POLQ: variants seen among roughly 807,000 people sequenced by gnomAD.
POLQ encodes epididymis secretory sperm binding protein.
Under a neutral mutation model 259.2 loss-of-function variants are expected in POLQ, and 233 were observed. The observed-to-expected ratio is 0.90, with a 90% CI of 0.81 to 1.00. The LOEUF is 1.00. Ranked by LOEUF, POLQ falls within the 50% of genes least tolerant of loss-of-function variation. POLQ has a pLI of 0.00. For missense variants in POLQ, 2,871 were observed against 3,051.6 expected (o/e 0.94, Z 1.39); for synonymous variants, 1,025 against 1,048.8 (o/e 0.98, Z 0.44).
chr3:121,457,554 C>A (rs1361947064), intron 25 of POLQ, among the ~76,000 whole-genome samples: 1 of 152,088 alleles, frequency 6.6e-6, no homozygotes, highest in Non-Finnish European at 1.5e-5. Context: ...AACAAACAAC[C>A]CCATCAAAAA....
At chr3:121,484,918 A>C (rs1237677968) in intron 17 of POLQ, 123 bp downstream of exon 17, 1 of 812,456 alleles carries the variant, frequency 1.2e-6, no homozygotes, top group African/African-American at 1.8e-5. Flanking sequence ...AAACAAAAAA[A>C]AATTTAACTC....
In POLQ at chr3:121,496,839, T is replaced by C. The variant is rs569194595; in HGVS notation, c.2247A>G (p.Gln749=). Reference sequence around the variant, plus strand: ...AAACAGCAGCTGACTGTTGCAAAGATTGAATCTGCCCACGATTGCATCCAT... The same window carrying C: ...AAACAGCAGCTGACTGTTGCAAAGACTGAATCTGCCCACGATTGCATCCAT... ...QKYGCNRGQI[Q]SLQQSAAVYA... is the part of the protein sequence containing the mutation. The change falls in exon 14 of 30, where the codon CAA becomes CAG. Residue 749 remains glutamine (Q), a synonymous_variant. Coordinates refer to ENST00000264233, the MANE Select transcript of POLQ (RefSeq NM_199420.4). 4.6e-5 allele frequency: 75 copies of C among 1,613,772 alleles called. 1 individual carries two copies. The South Asian group carries it at 5.9e-4, about 13-fold the overall frequency.
chr3:121,479,403 G>A (rs2047953721), intron 19 of POLQ, among the ~76,000 whole-genome samples: 1 of 147,432 alleles, frequency 6.8e-6, no homozygotes, highest in South Asian at 2.2e-4. Context: ...CATCAAAACT[G>A]TAGAATACAA....
chr3:121,502,293 T>A (rs2048176876), intron 12 of POLQ, among the ~76,000 whole-genome samples: 1 of 152,142 alleles, frequency 6.6e-6, no homozygotes, highest in African/African-American at 2.4e-5. Context: ...AACCTCTACC[T>A]CCCAGGTTCA....
chr3:121,472,692 T>C (rs914550954), intron 21 of POLQ, among the ~76,000 whole-genome samples: 1 of 152,210 alleles, frequency 6.6e-6, no homozygotes, highest in Non-Finnish European at 1.5e-5. Flanking sequence ...AAAATTGTGC[T>C]ATAGCCTGGA....
rs752198174 is a variant in POLQ, at chr3:121,436,226, A to G, written c.7439T>C (p.Ile2480Thr). The G allele has an allele frequency of 3.0e-5, 48 of 1,613,736 alleles. No individual in the cohort carries two copies. Among genetic ancestry groups the G allele is most frequent in the Non-Finnish European group, 4.0e-5 (47 of 1,179,786 alleles). Residue 2480 changes from isoleucine to threonine, a missense_variant, in exon 28 of 30, where the codon ATT becomes ACT. By Grantham distance (89) the Ile-to-Thr change is moderately conservative. This residue lies in a region of POLQ where 2,080 missense variants were observed against 2,126.0 expected (regional missense o/e 0.98). Transcript: ENST00000264233. ...NTIVQGSAAD[I>T]VKIATVNIQK... ...AATGTTAACTGTGGCTATTTTGACA[A>G]TATCAGCTGCTGATCCTTGGACTAT... is the stretch of plus-strand genomic sequence containing the variant.
chr3:121,444,630 T>C (rs976639406), intron 26 of POLQ, among the ~76,000 whole-genome samples: 1 of 152,196 alleles, frequency 6.6e-6, no homozygotes, highest in Non-Finnish European at 1.5e-5. Context: ...TCCAGTACTA[T>C]GTTGAATAAC....
In POLQ at chr3:121,483,460, C is replaced by T. The variant is rs2047986270; in HGVS notation, c.5896G>A (p.Asp1966Asn). ...AGAATTTTATAGCTCTGGATGAAGT[C>T]ATAGATGACAACAGAACATTCTTTA... Reference protein sequence around the residue: ...SDKECSVVIYDFIQSYKILLL... With the variant: ...SDKECSVVIYNFIQSYKILLL... The change falls in exon 18 of 30, where the codon GAC becomes AAC. Residue 1966 changes from aspartate to asparagine, a missense_variant. Transcript: ENST00000264233. The T allele has an allele frequency of 6.2e-7, 1 of 1,605,612 alleles. No individual in the cohort carries two copies. The highest frequency in any genetic ancestry group is 8.5e-7 in the Non-Finnish European group (1 of 1,177,326).
intron 3 of POLQ, among the ~76,000 whole-genome samples, chr3:121,540,480 T>A (rs1576430713): frequency 1.3e-5 from 2 of 152,352 alleles, no homozygotes; most frequent in Middle Eastern, 3.4e-3. Context: ...TTATTCCATT[T>A]AATAAAATAT....
chr3:121,431,478 C>G lies in POLQ; in HGVS notation c.*826G>C, dbSNP rs1180557273. On this transcript the variant is annotated 3_prime_UTR_variant, in exon 30 of 30. Transcript: ENST00000264233. ...TCAACAGCAAAAAGATTAGCTCCATCCCTCTGATTGGGATCACAAAGTACA... is the reference window on the plus strand; with the variant it reads ...TCAACAGCAAAAAGATTAGCTCCATGCCTCTGATTGGGATCACAAAGTACA... The G allele has an allele frequency of 2.0e-5, 3 of 152,174 alleles. No individual in the cohort carries two copies. Among genetic ancestry groups the G allele is most frequent in the African/African-American group, 7.2e-5 (3 of 41,428 alleles). 9.4% of individuals were successfully genotyped at this position (152,174 alleles called of 1,614,324 possible). A position where few individuals can be genotyped will look rare whatever the true frequency, so the allele number is the denominator to read the frequency against.
At position 121,487,689 on chromosome 3, in the gene POLQ, T is replaced by C; in HGVS notation, c.5242A>G (p.Thr1748Ala). ...GGTGTTTCAAGAATCCCTGGAAATG[T>C]CAGCTTAGAAGCAGATGTTGGAATG... Reference protein sequence around the residue: ...TPIPTSASKLTFPGILETPVN... With the variant: ...TPIPTSASKLAFPGILETPVN... Residue 1748 changes from threonine (T) to alanine (A), a missense_variant, in exon 16 of 30, where the codon ACA becomes GCA. Thr to Ala is a moderately conservative substitution (Grantham distance 58). Around this residue, in one of 3 missense-constraint regions of POLQ, gnomAD observed 2,080 missense variants for 2,126.0 expected, o/e 0.98. Coordinates refer to ENST00000264233, the MANE Select transcript of POLQ (RefSeq NM_199420.4). 1 of 1,613,948 alleles carries C rather than the reference T, an allele frequency of 6.2e-7. No homozygotes were observed. The highest frequency in any genetic ancestry group is 1.1e-5 in the South Asian group (1 of 91,082).
At position 121,498,603 on chromosome 3, in the gene POLQ, A is replaced by G. The variant is rs754623523; in HGVS notation, c.2027T>C (p.Leu676Ser). Residue 676 changes from leucine to serine, a missense_variant, in exon 13 of 30, where the codon TTG becomes TCG. Leu to Ser is a moderately radical substitution (Grantham distance 145). Coordinates refer to ENST00000264233, the MANE Select transcript of POLQ (RefSeq NM_199420.4). ...WYRFFCLWEK[L>S]PTSMKRVAEL... Reference sequence around the variant, plus strand: ...TGCCACCCTTTTCATTGAAGTTGGCAACTTCTCCCATAAACAGAAAAATCG... The same window carrying G: ...TGCCACCCTTTTCATTGAAGTTGGCGACTTCTCCCATAAACAGAAAAATCG... The G allele has an allele frequency of 1.2e-6, 2 of 1,614,034 alleles. No homozygotes were observed. Among genetic ancestry groups the G allele is most frequent in the South Asian group, 2.2e-5 (2 of 91,080 alleles).
chr3:121,464,149 G>A (rs1471165036), intron 24 of POLQ, among the ~76,000 whole-genome samples: 1 of 152,142 alleles, frequency 6.6e-6, no homozygotes, highest in African/African-American at 2.4e-5. Context: ...ATATATTTGA[G>A]GCTCCAAGAA....
intron 24 of POLQ, among the ~76,000 whole-genome samples, chr3:121,460,853 T>C (rs7613752): frequency 0.59 from 89,119 of 151,908 alleles, 27,316 homozygotes; most frequent in East Asian, 0.89. Context: ...TAGATATGCA[T>C]GACAAAACAA....
At chr3:121,515,478 G>A (rs969764329) in intron 9 of POLQ, among the ~76,000 whole-genome samples, 2 of 152,180 alleles carry the variant, frequency 1.3e-5, no homozygotes, top group Non-Finnish European at 2.9e-5. Context: ...CCAGCCAAGA[G>A]GCGATTGCAG....
In POLQ at chr3:121,532,963, A is replaced by G. The variant is rs1354668465; in HGVS notation, c.960+27T>C. 4.5e-6 allele frequency: 6 copies of G among 1,328,266 alleles called. No homozygotes were observed. In the African/African-American group the frequency reaches 8.8e-5, roughly 19 times the overall value. The allele number at this position is 1,328,266 out of a possible 1,614,324, so 82.3% of individuals were successfully genotyped here. The stretch of plus-strand genomic sequence containing the variant: ...TGAAATCAAACACACAGATAAAAAT[A>G]GTAGTGATGTACATATATTGATTTA... On this transcript the variant is annotated intron_variant, in intron 6 of 29. Transcript: ENST00000264233.
chr3:121,470,256 T>G (rs971007615), intron 22 of POLQ, among the ~76,000 whole-genome samples: 4 of 152,124 alleles, frequency 2.6e-5, no homozygotes, highest in Non-Finnish European at 4.4e-5. Flanking sequence ...AGACTCTGTC[T>G]CAAAAATAAA....
intron 24 of POLQ, among the ~76,000 whole-genome samples, chr3:121,460,684 G>A (rs551890097): frequency 6.6e-5 from 10 of 152,110 alleles, no homozygotes; most frequent in Non-Finnish European, 1.3e-4. Context: ...TGAAAAAACT[G>A]GTGTCCAATG....
At chr3:121,441,714 C>T (rs986169343) in intron 26 of POLQ, among the ~76,000 whole-genome samples, 4 of 152,168 alleles carry the variant, frequency 2.6e-5, no homozygotes, top group Admixed American at 2.0e-4. Context: ...ACGAGCCTTC[C>T]TTTGGACATG....
Sources: allele counts gnomAD v4.1 joint callset (sites outside exome capture counted in the v4.1 genomes callset), GRCh38; gene constraint gnomAD v4.1.1; regional missense constraint gnomAD v4.1.1; transcripts MANE v1.5; gene names NCBI Gene and HGNC (gene_info 2026-07-23, HGNC 2026-07-21).